KLHL32: variants seen among roughly 807,000 people sequenced by gnomAD.
The protein encoded by KLHL32 is kelch like family member 32.
A neutral mutation model predicts 64.8 loss-of-function variants in KLHL32; 35 were observed. The ratio of observed to expected loss-of-function variants is 0.54; its 90% CI spans 0.41 to 0.72. The LOEUF (loss-of-function observed/expected upper bound fraction) is 0.72. Among genes scored for constraint, KLHL32 ranks in the 30% least tolerant of loss-of-function variants. The probability of loss-of-function intolerance (pLI) is 0.00; values close to 1 mark genes in which losing one functional copy is unlikely to be tolerated. For missense variants in KLHL32, 589 were observed against 768.5 expected (o/e 0.77, Z 2.76); for synonymous variants, 259 against 281.0 (o/e 0.92, Z 0.78).
chr6:97,017,807 G>T (rs1247394146), intron 3 of KLHL32, among the ~76,000 whole-genome samples: 2 of 152,118 alleles, frequency 1.3e-5, no homozygotes, highest in South Asian at 2.1e-4. Flanking sequence ...TGAAACAGAG[G>T]TACCTGTTCC....
chr6:96,939,613 G>GA (rs1261793357), intron 1 of KLHL32, among the ~76,000 whole-genome samples: 2 of 152,158 alleles, frequency 1.3e-5, no homozygotes, highest in Admixed American at 1.3e-4. Context: ...CAAGTAATGG[G>GA]AAAAAATTCT....
At chr6:97,119,070 A>G (rs1324598223) in intron 7 of KLHL32, among the ~76,000 whole-genome samples, 2 of 152,124 alleles carry the variant, frequency 1.3e-5, no homozygotes, top group Admixed American at 1.3e-4. Context: ...TGGTCCAATC[A>G]CTTCAATAAT....
chr6:97,003,444 T>A (rs1340766477), intron 3 of KLHL32, among the ~76,000 whole-genome samples: 1 of 152,228 alleles, frequency 6.6e-6, no homozygotes, highest in African/African-American at 2.4e-5. Context: ...TTCTCTATAG[T>A]GCCTGTTTAC....
At chr6:97,104,263 G>A (rs552822395) in intron 6 of KLHL32, among the ~76,000 whole-genome samples, 1 of 152,312 alleles carries the variant, frequency 6.6e-6, no homozygotes, top group South Asian at 2.1e-4. Flanking sequence ...CTTACATGTG[G>A]CAGGTCTGAG....
chr6:96,975,466 A>C (rs1031943847), intron 2 of KLHL32, among the ~76,000 whole-genome samples: 1 of 152,212 alleles, frequency 6.6e-6, no homozygotes, highest in Non-Finnish European at 1.5e-5. Flanking sequence ...GGTCATTTGC[A>C]GCCCTTTTTG....
At chr6:96,973,730 C>CTCTTTTTTTTTTTTTTTTTTTTTT (rs1554208428) in intron 2 of KLHL32, among the ~76,000 whole-genome samples, 7 of 118,248 alleles carry the variant, frequency 5.9e-5, no homozygotes, top group African/African-American at 2.3e-4. Flanking sequence ...TACAGATTGC[C>CTCTTTTTTTTTTTTTTTTTTTTTT]TTTTTTTTTT....
At chr6:96,995,227 G>A (rs1412988301) in intron 3 of KLHL32, among the ~76,000 whole-genome samples, 1 of 152,128 alleles carries the variant, frequency 6.6e-6, no homozygotes, top group African/African-American at 2.4e-5. Flanking sequence ...TGAAATTCCT[G>A]GTCATGTTCT....
chr6:97,017,185 G>GA (rs375400107), intron 3 of KLHL32, among the ~76,000 whole-genome samples: 1 of 151,892 alleles, frequency 6.6e-6, no homozygotes, highest in Non-Finnish European at 1.5e-5. Context: ...AAAGAAAAAA[G>GA]AAAAAAAATC....
At chr6:97,107,137 C>CA (rs1460283268) in intron 6 of KLHL32, among the ~76,000 whole-genome samples, 5 of 151,866 alleles carry the variant, frequency 3.3e-5, no homozygotes, top group Admixed American at 6.6e-5. Context: ...ACTAAAAATA[C>CA]AAAAAATTAG....
chr6:97,064,559 C>A, intron 4 of KLHL32, 69 bp from the exon 5 acceptor site: 1 of 1,045,686 alleles, frequency 9.6e-7, no homozygotes, highest in Non-Finnish European at 1.5e-6. Flanking sequence ...TATGGTATAT[C>A]TACATATTAA....
intron 1 of KLHL32, among the ~76,000 whole-genome samples, chr6:96,934,457 AAC>A (rs1200697015): frequency 6.7e-6 from 1 of 148,222 alleles, no homozygotes; most frequent in Non-Finnish European, 1.5e-5. Flanking sequence ...TAACAACAAC[AAC>A]AAAAAAATAG....
At chr6:97,130,733 A>C in intron 8 of KLHL32, 24 bp from the exon 9 acceptor site, 1 of 1,590,506 alleles carries the variant, frequency 6.3e-7, no homozygotes, top group Non-Finnish European at 8.6e-7. Context: ...TACTAACAGA[A>C]TACACTTAAA....
At chr6:97,081,429 G>C (rs1407628867) in intron 5 of KLHL32, among the ~76,000 whole-genome samples, 1 of 152,172 alleles carries the variant, frequency 6.6e-6, no homozygotes, top group African/African-American at 2.4e-5. Flanking sequence ...AAAGCCGTTT[G>C]CTCTCTCAAA....
intron 6 of KLHL32, among the ~76,000 whole-genome samples, chr6:97,100,613 G>A (rs562812134): frequency 6.6e-6 from 1 of 152,168 alleles, no homozygotes; most frequent in East Asian, 1.9e-4. Context: ...TGCAACTTGG[G>A]TACTTTCTGG....
chr6:96,981,020 G>A (rs911614624), intron 3 of KLHL32, among the ~76,000 whole-genome samples: 5 of 148,796 alleles, frequency 3.4e-5, no homozygotes, highest in African/African-American at 1.2e-4. Context: ...GGGGGCAGGC[G>A]GGGGAAAAGC....
intron 7 of KLHL32, among the ~76,000 whole-genome samples, chr6:97,118,009 C>T (rs1797979500): frequency 6.6e-6 from 1 of 152,118 alleles, no homozygotes; most frequent in Non-Finnish European, 1.5e-5. Flanking sequence ...AGTGCTGAGT[C>T]ACAGATACAT....
upstream of KLHL32, among the ~76,000 whole-genome samples, chr6:96,919,711 T>C (rs1768691852): frequency 6.6e-6 from 1 of 152,160 alleles, no homozygotes; most frequent in South Asian, 2.1e-4. Context: ...TTAATATAAA[T>C]ATTATTCATG....
chr6:97,054,611 A>C (rs1330566213), intron 4 of KLHL32, among the ~76,000 whole-genome samples: 1 of 152,240 alleles, frequency 6.6e-6, no homozygotes, highest in African/African-American at 2.4e-5. Context: ...TGGATAATTG[A>C]GTTGTAGTTC....
chr6:97,122,172 A>C (rs1798435613), intron 7 of KLHL32, among the ~76,000 whole-genome samples: 1 of 152,194 alleles, frequency 6.6e-6, no homozygotes, highest in African/African-American at 2.4e-5. Flanking sequence ...TCTGGGTCAC[A>C]AGTTTGCACC....
Sources: allele counts gnomAD v4.1 joint callset (sites outside exome capture counted in the v4.1 genomes callset), GRCh38; gene constraint gnomAD v4.1.1; transcripts MANE v1.5; gene names NCBI Gene and HGNC (gene_info 2026-07-23, HGNC 2026-07-21).